The following RBFOX1 variants were observed in gnomAD, a reference collection of about 807,000 sequenced individuals.
RBFOX1 encodes RNA binding protein fox-1 homolog 1.
RBFOX1 carries 8 observed loss-of-function variants against 57.7 expected under a neutral mutation model. The ratio of observed to expected loss-of-function variants is 0.14; its 90% CI spans 0.08 to 0.25. The LOEUF (loss-of-function observed/expected upper bound fraction) is 0.25. Ranked by LOEUF, RBFOX1 falls within the 10% of genes least tolerant of loss-of-function variation. The pLI, the probability that RBFOX1 is intolerant of heterozygous loss-of-function variation, is 1.00. For missense variants in RBFOX1, 611 were observed against 548.5 expected, an observed-to-expected ratio of 1.11 and a Z score of -1.14; for synonymous variants, 326 against 222.4, an observed-to-expected ratio of 1.47 and a Z score of -4.15.
At chr16:7,361,700 G>C (rs886614225) in intron 4 of RBFOX1, among the ~76,000 whole-genome samples, 1 of 152,204 alleles carries the variant, frequency 6.6e-6, no homozygotes, top group African/African-American at 2.4e-5. Context: ...GGTAGTATGA[G>C]AATTCGAAGA....
At chr16:5,939,371 G>A (rs1453763467) in intron 4 of RBFOX1, among the ~76,000 whole-genome samples, 5 of 152,220 alleles carry the variant, frequency 3.3e-5, no homozygotes, top group African/African-American at 1.2e-4. Flanking sequence ...AGGGCATTCT[G>A]CCCCAGGGTC....
At chr16:7,693,813 A>C (rs991246922) in intron 14 of RBFOX1, among the ~76,000 whole-genome samples, 3 of 152,170 alleles carry the variant, frequency 2.0e-5, no homozygotes, top group African/African-American at 7.2e-5. Context: ...CTGAATCTAT[A>C]AAGCTTAGAG....
intron 1 of RBFOX1, among the ~76,000 whole-genome samples, chr16:6,242,273 A>T (rs1353721968): frequency 6.6e-6 from 1 of 152,210 alleles, no homozygotes; most frequent in African/African-American, 2.4e-5. Flanking sequence ...GATCATATCC[A>T]AGCTCACTGC....
At chr16:5,657,093 G>C (rs933214578) in intron 3 of RBFOX1, among the ~76,000 whole-genome samples, 2 of 152,108 alleles carry the variant, frequency 1.3e-5, no homozygotes, top group African/African-American at 4.8e-5. Flanking sequence ...AGAACTTAAA[G>C]TAAAATTTAG....
At chr16:5,783,173 A>G (rs1030376053) in intron 3 of RBFOX1, among the ~76,000 whole-genome samples, 2 of 152,088 alleles carry the variant, frequency 1.3e-5, no homozygotes, top group Non-Finnish European at 2.9e-5. Context: ...AAAAACACAC[A>G]ATATTTACAT....
chr16:7,627,443 G>C (rs558641708), intron 10 of RBFOX1, among the ~76,000 whole-genome samples: 1 of 152,270 alleles, frequency 6.6e-6, no homozygotes, highest in South Asian at 2.1e-4. Flanking sequence ...TAAGGAATTT[G>C]ATAAAAGCAC....
chr16:5,715,238 T>C (rs1325519268), intron 3 of RBFOX1, among the ~76,000 whole-genome samples: 1 of 152,230 alleles, frequency 6.6e-6, no homozygotes, highest in Non-Finnish European at 1.5e-5. Flanking sequence ...AGGTCTGCCT[T>C]ATTTCGAAAT....
chr16:6,282,187 T>C (rs532639774), intron 1 of RBFOX1, among the ~76,000 whole-genome samples: 1 of 152,162 alleles, frequency 6.6e-6, no homozygotes, highest in South Asian at 2.1e-4. Context: ...AAATCCCAGA[T>C]TGCGCATAGA....
intron 4 of RBFOX1, among the ~76,000 whole-genome samples, chr16:7,264,099 C>G (rs1170303384): frequency 1.3e-5 from 2 of 152,010 alleles, no homozygotes; most frequent in East Asian, 1.9e-4. Flanking sequence ...TCACAGTGAT[C>G]TTAAACAAAA....
intron 2 of RBFOX1, among the ~76,000 whole-genome samples, chr16:6,541,202 C>G (rs556770083): frequency 2.6e-5 from 4 of 152,262 alleles, no homozygotes; most frequent in African/African-American, 4.8e-5. Flanking sequence ...GGCTCTAGGT[C>G]CTCCTGTCTT....
At chr16:7,175,771 T>C (rs1449893269) in intron 4 of RBFOX1, among the ~76,000 whole-genome samples, 2 of 152,118 alleles carry the variant, frequency 1.3e-5, no homozygotes, top group African/African-American at 4.8e-5. Flanking sequence ...TGTCTTCCTC[T>C]CTCCTTCTCA....
intron 4 of RBFOX1, among the ~76,000 whole-genome samples, chr16:7,327,836 A>G (rs2096631503): frequency 6.6e-6 from 1 of 151,864 alleles, no homozygotes; most frequent in South Asian, 2.1e-4. Flanking sequence ...CACTGTGCAG[A>G]CAAATCATTA....
At chr16:6,515,778 G>A (rs776430180) in intron 2 of RBFOX1, among the ~76,000 whole-genome samples, 1 of 152,002 alleles carries the variant, frequency 6.6e-6, no homozygotes, top group South Asian at 2.1e-4. Context: ...TGCACCTGCT[G>A]TTTCCTTTAC....
intron 3 of RBFOX1, among the ~76,000 whole-genome samples, chr16:6,853,145 T>C (rs1046861294): frequency 6.6e-6 from 1 of 152,220 alleles, no homozygotes; most frequent in Non-Finnish European, 1.5e-5. Context: ...GAAAGCTGCT[T>C]AACTTCTCTG....
chr16:6,872,440 C>G (rs1330625868), intron 3 of RBFOX1, among the ~76,000 whole-genome samples: 1 of 152,090 alleles, frequency 6.6e-6, no homozygotes, highest in Non-Finnish European at 1.5e-5. Flanking sequence ...AGAACTATTT[C>G]TAAAAACTCA....
intron 4 of RBFOX1, among the ~76,000 whole-genome samples, chr16:7,151,760 T>C (rs1272841926): frequency 1.3e-5 from 2 of 152,034 alleles, no homozygotes; most frequent in African/African-American, 2.4e-5. Flanking sequence ...GACAGTCCCA[T>C]CTTGGGGTGA....
At chr16:6,676,127 G>GACACAC (rs750878616) in intron 3 of RBFOX1, among the ~76,000 whole-genome samples, 3 of 125,492 alleles carry the variant, frequency 2.4e-5, no homozygotes, top group African/African-American at 9.6e-5. Flanking sequence ...CTGCCTAGGG[G>GACACAC]ACACACACAC....
chr16:6,719,645 A>C (rs1293638833), intron 3 of RBFOX1, among the ~76,000 whole-genome samples: 1 of 150,612 alleles, frequency 6.6e-6, no homozygotes, highest in Admixed American at 6.6e-5. Flanking sequence ...ATGGGGTTTC[A>C]CCATGTTAGC....
intron 1 of RBFOX1, among the ~76,000 whole-genome samples, chr16:6,046,979 A>G (rs1260322189): frequency 6.6e-6 from 1 of 152,192 alleles, no homozygotes; most frequent in Non-Finnish European, 1.5e-5. Flanking sequence ...AGACATGTGC[A>G]GAGTTGGCAT....
Sources: gnomAD v4.1 joint callset for allele counts (sites outside exome capture counted in the v4.1 genomes callset) on GRCh38, gnomAD v4.1.1 for gene constraint, MANE v1.5 for transcripts, NCBI Gene and HGNC (gene_info 2026-07-23, HGNC 2026-07-21) for gene names.